Variants in FOXN3 observed in about 807,000 individuals in gnomAD.
FOXN3 encodes the protein forkhead box N3.
FOXN3 carries 7 observed loss-of-function variants against 38.4 expected under a neutral mutation model. The ratio of observed to expected loss-of-function variants is 0.18; its 90% confidence interval spans 0.10 to 0.34. The LOEUF (loss-of-function observed/expected upper bound fraction) is 0.34. FOXN3 is among the 10% of genes least tolerant of loss of function. The probability of loss-of-function intolerance (pLI) is 1.00; values close to 1 mark genes in which losing one functional copy is unlikely to be tolerated. For missense variants in FOXN3, 456 were observed against 613.4 expected (o/e 0.74, Z 2.71); for synonymous variants, 230 against 242.2 (o/e 0.95, Z 0.47).
At chr14:89,479,316 G>T (rs947265999) in intron 1 of FOXN3, among the ~76,000 whole-genome samples, 5 of 152,012 alleles carry the variant, frequency 3.3e-5, no homozygotes, top group African/African-American at 1.2e-4. Flanking sequence ...CCTCTCTCTC[G>T]GGAGCCCTAA....
chr14:89,514,566 A>G (rs985700858), intron 1 of FOXN3, among the ~76,000 whole-genome samples: 1 of 152,248 alleles, frequency 6.6e-6, no homozygotes, highest in African/African-American at 2.4e-5. Context: ...TTACTGACGT[A>G]GAAACTGAGG....
chr14:89,552,617 G>C (rs1265577488), intron 1 of FOXN3, among the ~76,000 whole-genome samples: 2 of 152,210 alleles, frequency 1.3e-5, no homozygotes, highest in Non-Finnish European at 2.9e-5. Context: ...CCAACACTTT[G>C]GGAGGCCGAG....
At chr14:89,222,886 A>G (rs1042715112) in intron 4 of FOXN3, among the ~76,000 whole-genome samples, 2 of 152,166 alleles carry the variant, frequency 1.3e-5, no homozygotes, top group Non-Finnish European at 2.9e-5. Context: ...TAAACTATGG[A>G]ATCTGCCTTT....
intron 4 of FOXN3, among the ~76,000 whole-genome samples, chr14:89,256,061 A>C (rs1885610483): frequency 6.6e-6 from 1 of 152,160 alleles, no homozygotes. Context: ...GACATGCCCT[A>C]ATAAAAGAAC....
intron 1 of FOXN3, among the ~76,000 whole-genome samples, chr14:89,519,407 G>A (rs913084284): frequency 3.3e-5 from 5 of 152,180 alleles, no homozygotes; most frequent in Non-Finnish European, 5.9e-5. Context: ...TGTGAGGGCC[G>A]CTGGCTTCCA....
chr14:89,364,347 TTTTTTGTTTTG>T (rs1470081779), intron 2 of FOXN3: 8 of 97,698 alleles, frequency 8.2e-5, no homozygotes, highest in African/African-American at 3.3e-4. Flanking sequence ...TTTTGTTTGT[TTTTTTGTTTTG>T]TTTTTGTTTT....
intron 1 of FOXN3, among the ~76,000 whole-genome samples, chr14:89,489,839 G>A (rs1893534961): frequency 6.6e-6 from 1 of 152,182 alleles, no homozygotes; most frequent in Admixed American, 6.5e-5. Flanking sequence ...AGCCTCAGAT[G>A]CAAGCCTTAC....
intron 1 of FOXN3, among the ~76,000 whole-genome samples, chr14:89,465,720 T>C (rs870807): frequency 0.08 from 12,202 of 152,260 alleles, 745 homozygotes; most frequent in African/African-American, 0.16. Context: ...TTTCAGGTAC[T>C]GAGAGGCTAT....
At chr14:89,311,105 TA>T (rs10646875) in intron 3 of FOXN3, among the ~76,000 whole-genome samples, 188 of 110,330 alleles carry the variant, frequency 1.7e-3, no homozygotes, top group Non-Finnish European at 1.8e-3. Flanking sequence ...AAACTCCGTC[TA>T]AAAAAAAAAA....
chr14:89,480,346 T>A (rs1596291514), intron 1 of FOXN3, among the ~76,000 whole-genome samples: 1 of 151,630 alleles, frequency 6.6e-6, no homozygotes, highest in East Asian at 1.9e-4. Flanking sequence ...GAGGTTGCAG[T>A]GAGCCGAGAC....
At chr14:89,325,056 G>C (rs1411947065) in intron 3 of FOXN3, among the ~76,000 whole-genome samples, 1 of 152,100 alleles carries the variant, frequency 6.6e-6, no homozygotes, top group Non-Finnish European at 1.5e-5. Flanking sequence ...GCAATTCCAT[G>C]GGCACACTGG....
intron 1 of FOXN3, among the ~76,000 whole-genome samples, chr14:89,584,060 A>G (rs1345017420): frequency 6.7e-6 from 1 of 149,780 alleles, no homozygotes; most frequent in East Asian, 2.1e-4. Context: ...GGGTTTCACC[A>G]TGTTGGCCAG....
intron 4 of FOXN3, among the ~76,000 whole-genome samples, chr14:89,268,521 A>G (rs1323862071): frequency 6.6e-6 from 1 of 152,254 alleles, no homozygotes; most frequent in Admixed American, 6.5e-5. Context: ...AGCTGGCTTA[A>G]GTATAAAGGA....
At chr14:89,506,628 T>C (rs1379124251) in intron 1 of FOXN3, among the ~76,000 whole-genome samples, 2 of 152,132 alleles carry the variant, frequency 1.3e-5, no homozygotes, top group South Asian at 2.1e-4. Flanking sequence ...GGAGGTGTAC[T>C]CAACAGCTCA....
chr14:89,458,410 G>A (rs1245459775), intron 1 of FOXN3, among the ~76,000 whole-genome samples: 1 of 152,172 alleles, frequency 6.6e-6, no homozygotes, highest in Non-Finnish European at 1.5e-5. Context: ...CTCTGTTAAA[G>A]GACTTCATTT....
chr14:89,343,629 T>TG (rs1389789738), intron 3 of FOXN3, among the ~76,000 whole-genome samples: 2 of 149,584 alleles, frequency 1.3e-5, no homozygotes, highest in East Asian at 1.9e-4. Context: ...TGTGTGTGGT[T>TG]TTTTTTTTTT....
chr14:89,456,457 A>G (rs1892728371), intron 1 of FOXN3, among the ~76,000 whole-genome samples: 2 of 151,948 alleles, frequency 1.3e-5, no homozygotes, highest in African/African-American at 4.8e-5. Context: ...TATTTTTTCT[A>G]AAATAAATAA....
chr14:89,407,223 G>A (rs544295679), intron 2 of FOXN3, among the ~76,000 whole-genome samples: 75 of 152,264 alleles, frequency 4.9e-4, no homozygotes, highest in Non-Finnish European at 8.1e-4. Context: ...TAAACAGAAT[G>A]CAAGTACTCT....
chr14:89,435,647 T>C (rs775841388), intron 1 of FOXN3, among the ~76,000 whole-genome samples: 2 of 152,060 alleles, frequency 1.3e-5, no homozygotes, highest in Non-Finnish European at 2.9e-5. Context: ...AACAGCTCCG[T>C]AAAAAGGGGA....
Sources: gnomAD v4.1 joint callset for allele counts (sites outside exome capture counted in the v4.1 genomes callset) on GRCh38, gnomAD v4.1.1 for gene constraint, MANE v1.5 for transcripts, NCBI Gene and HGNC (gene_info 2026-07-23, HGNC 2026-07-21) for gene names.